ACAN: variants seen among roughly 807,000 people sequenced by gnomAD.
The protein encoded by ACAN is aggrecan, also known as aggrecan core protein.
Under a neutral mutation model 169.1 loss-of-function variants are expected in ACAN, and 47 were observed. The ratio of observed to expected loss-of-function variants is 0.28; its 90% confidence interval spans 0.22 to 0.35. The LOEUF (loss-of-function observed/expected upper bound fraction) is 0.35, where lower values mean the gene tolerates loss of function less well. Among genes scored for constraint, ACAN ranks in the 10% least tolerant of loss-of-function variants. The probability of loss-of-function intolerance (pLI) is 1.00; values close to 1 mark genes in which losing one functional copy is unlikely to be tolerated. For synonymous variants in ACAN, 1,115 were observed against 1,112.2 expected (o/e 1.00, Z -0.05); for missense variants, 2,716 against 2,759.9 (o/e 0.98, Z 0.36).
chr15:88,853,491 A>C (rs1481663084), intron 11 of ACAN, among the ~76,000 whole-genome samples: 1 of 152,266 alleles, frequency 6.6e-6, no homozygotes, highest in East Asian at 1.9e-4. Context: ...TACAAAAATT[A>C]GCCAGGTGTG....
At position 88,819,942 on chromosome 15, in the gene ACAN, C is replaced by T. The variant is rs529169365; in HGVS notation, c.-8+16133C>T. 7.7e-4 allele frequency among the ~76,000 whole-genome samples: 117 copies of T among 152,142 alleles called. 2 individuals carry two copies. The South Asian group carries it at 0.021, about 27-fold the overall frequency. On this transcript the variant is annotated intron_variant, in intron 1 of 18. Coordinates refer to ENST00000560601, the MANE Select transcript of ACAN (RefSeq NM_001369268.1). Reference sequence around the variant, plus strand: ...CCCAGCTTTTGGAGTCAGACCAATCCGGGTTTGAATTCTGGCTCTACCACT... The same window carrying T: ...CCCAGCTTTTGGAGTCAGACCAATCTGGGTTTGAATTCTGGCTCTACCACT...
intron 13 of ACAN, among the ~76,000 whole-genome samples, chr15:88,862,254 G>C (rs1282186911): frequency 6.6e-6 from 1 of 152,152 alleles, no homozygotes; most frequent in Non-Finnish European, 1.5e-5. Context: ...CGATGGTAAT[G>C]GTTCTCAGCT....
intron 1 of ACAN, among the ~76,000 whole-genome samples, chr15:88,810,052 A>G (rs1895780746): frequency 6.6e-6 from 1 of 151,252 alleles, no homozygotes; most frequent in Non-Finnish European, 1.5e-5. Flanking sequence ...AAAGGGATTC[A>G]TGGGTCACCA....
intron 9 of ACAN, 54 bp downstream of exon 9, chr15:88,848,092 G>C: frequency 6.3e-7 from 1 of 1,597,640 alleles, no homozygotes; most frequent in South Asian, 1.1e-5. Context: ...GGTGGGCAGG[G>C]AGCTGACAGG....
At chr15:88,816,809 C>T (rs983542484) in intron 1 of ACAN, among the ~76,000 whole-genome samples, 1 of 152,168 alleles carries the variant, frequency 6.6e-6, no homozygotes, top group African/African-American at 2.4e-5. Context: ...CGCACCATGC[C>T]CAAGAACTTC....
intron 1 of ACAN, among the ~76,000 whole-genome samples, chr15:88,813,710 G>A (rs1884929608): frequency 6.6e-6 from 1 of 152,192 alleles, no homozygotes; most frequent in Non-Finnish European, 1.5e-5. Context: ...CAGGGTCCTA[G>A]CACCTCTGTG....
At chr15:88,824,344 A>G (rs1437829611) in intron 1 of ACAN, among the ~76,000 whole-genome samples, 1 of 151,954 alleles carries the variant, frequency 6.6e-6, no homozygotes, top group African/African-American at 2.4e-5. Flanking sequence ...CAACAACAAC[A>G]AAAAGATTAA....
chr15:88,865,254 G>A (rs969383092), intron 13 of ACAN, among the ~76,000 whole-genome samples: 18 of 152,294 alleles, frequency 1.2e-4, no homozygotes, highest in African/African-American at 4.1e-4. Context: ...GCCCTGGGTA[G>A]CTGTAGCAGC....
rs534841034 is a variant in ACAN, at chr15:88,873,691, C to T, written c.7448-151C>T. On this transcript the variant is annotated intron_variant, in intron 17 of 18. Transcript: ENST00000560601. This position sits in a 1 kb window ranked among gnomAD's most constrained non-coding sequence, Gnocchi z 7.5. ...TGAGGAACCCAGATGTTACAGCCAGCGGCTTCCAGATTCTTAGCGCTGCAT... is the reference window on the plus strand; with the variant it reads ...TGAGGAACCCAGATGTTACAGCCAGTGGCTTCCAGATTCTTAGCGCTGCAT... 27 of 753,372 alleles carry T rather than the reference C, an allele frequency of 3.6e-5. No homozygotes were observed. Among genetic ancestry groups the T allele is most frequent in the South Asian group, 2.1e-4 (11 of 52,758 alleles). The allele number at this position is 753,372 out of a possible 1,614,324, so 46.7% of individuals were successfully genotyped here.
In ACAN at chr15:88,807,263, A is replaced by G. The variant is rs1346464771; in HGVS notation, c.-8+3454A>G. Among the ~76,000 whole-genome samples the G allele has an allele frequency of 6.6e-6, 1 of 152,146 alleles. No homozygotes were observed. Among genetic ancestry groups the G allele is most frequent in the Non-Finnish European group, 1.5e-5 (1 of 68,014 alleles). ...TGGAGGAAGGTCTGCTTATAAGTAGAGCAGGGGAGGGGACAGGCCAGCAGC... is the reference window on the plus strand; with the variant it reads ...TGGAGGAAGGTCTGCTTATAAGTAGGGCAGGGGAGGGGACAGGCCAGCAGC... On this transcript the variant is annotated intron_variant, in intron 1 of 18. Transcript: ENST00000560601. This position sits in a 1 kb window ranked among gnomAD's most constrained non-coding sequence, Gnocchi z 4.0.
In ACAN at chr15:88,857,204, C is replaced by T. The variant is rs1286523457; in HGVS notation, c.4619C>T (p.Ser1540Phe). ...GAAGAAGTTCTAGAGATTTCTGCCT[C>T]TGGATTTGGGGACCTCAGTGGACTT... The part of the protein sequence containing the change: ...SGEEVLEISA[S>F]GFGDLSGLPS... Residue 1540 changes from serine to phenylalanine, a missense_variant, in exon 12 of 19, where the codon TCT becomes TTT. By Grantham distance (155) the Ser-to-Phe change is radical. This residue lies in a region of ACAN where 1,389 missense variants were observed against 1,363.7 expected (regional missense o/e 1.02). Transcript: ENST00000560601. 6.2e-7 allele frequency: 1 copy of T among 1,613,826 alleles called. No homozygotes were observed. Among genetic ancestry groups the T allele is most frequent in the South Asian group, 1.1e-5 (1 of 91,076 alleles).
intron 1 of ACAN, among the ~76,000 whole-genome samples, chr15:88,824,178 G>A (rs1370482626): frequency 1.3e-5 from 2 of 152,108 alleles, no homozygotes; most frequent in East Asian, 3.9e-4. Flanking sequence ...CAAAAAATTA[G>A]CCAGGCGTGG....
At chr15:88,854,340 G>A (rs1462495455) in intron 11 of ACAN, among the ~76,000 whole-genome samples, 2 of 152,214 alleles carry the variant, frequency 1.3e-5, no homozygotes, top group East Asian at 3.9e-4. Flanking sequence ...CATCAGTGGG[G>A]CTGGGGTGAG....
In ACAN at chr15:88,871,401, G is replaced by A. The variant is rs534424968; in HGVS notation, c.7080G>A (p.Glu2360=). 6 of 1,613,900 alleles carry A rather than the reference G, an allele frequency of 3.7e-6. No homozygotes were observed. In the African/African-American group the frequency reaches 6.7e-5, roughly 18 times the overall value. Residue 2360 remains glutamate (E), a synonymous_variant, in exon 15 of 19, where the codon GAG becomes GAA. Coordinates refer to ENST00000560601, the MANE Select transcript of ACAN (RefSeq NM_001369268.1). The surrounding 1 kb of genome is among the most constrained non-coding windows in gnomAD (Gnocchi z 7.8). ...LCEIDQEVCE[E]GWNKYQGHCY... ...TTGCAGACCAGGAGGTATGTGAGGA[G>A]GGCTGGAACAAGTACCAGGGCCACT...
At chr15:88,860,072 C>CTTT (rs57985365) in intron 12 of ACAN, among the ~76,000 whole-genome samples, 17 of 102,892 alleles carry the variant, frequency 1.7e-4, no homozygotes, top group African/African-American at 4.7e-4. Context: ...GCTGATTTTC[C>CTTT]TTTTTTTTTT....
Position 88,866,886 on chromosome 15 carries a change from G to A in ACAN, c.6947-1330G>A, listed in dbSNP as rs1463015423. Among the ~76,000 whole-genome samples the A allele has an allele frequency of 2.0e-5, 3 of 152,188 alleles. No homozygotes were observed. The highest frequency in any genetic ancestry group is 7.2e-5 in the African/African-American group (3 of 41,436). ...CACCACAGGGCTTCGCTGTCCTGCA[G>A]AGCCCACCTACAGACATGTCACTGG... On this transcript the variant is annotated intron_variant, in intron 13 of 18. Transcript: ENST00000560601. This position sits in a 1 kb window ranked among gnomAD's most constrained non-coding sequence, Gnocchi z 5.6.
rs371109340 is a variant in ACAN, at chr15:88,837,853, G to T, written c.71-810G>T. Among the ~76,000 whole-genome samples, 330 of 145,378 alleles carry T rather than the reference G, an allele frequency of 2.3e-3. 7 individuals carry two copies. The South Asian group carries it at 0.047, about 21-fold the overall frequency. Reference sequence around the variant, plus strand: ...CCTGTAGGCCCCCATGAAAGAACAGGTTTCATAAATGTATGAGTCTCCATG... The same window carrying T: ...CCTGTAGGCCCCCATGAAAGAACAGTTTTCATAAATGTATGAGTCTCCATG... On this transcript the variant is annotated intron_variant, in intron 2 of 18. Transcript: ENST00000560601.
rs545054661 is a variant in ACAN, at chr15:88,850,059, C to G, written c.2026+328C>G. 1.9e-4 allele frequency: 112 copies of G among 590,782 alleles called. 1 individual carries two copies. The highest frequency in any genetic ancestry group is 1.9e-3 in the South Asian group (89 of 47,500). The allele number at this position is 590,782 out of a possible 1,614,324, so 36.6% of individuals were successfully genotyped here. A position where few individuals can be genotyped will look rare whatever the true frequency, so the allele number is the denominator to read the frequency against. ...AATGGAGATATAATGGTTCCTACTTCAGAGAGAGCTGCAAGAATTAATTAA... is the reference window on the plus strand; with the variant it reads ...AATGGAGATATAATGGTTCCTACTTGAGAGAGAGCTGCAAGAATTAATTAA... On this transcript the variant is annotated intron_variant, in intron 10 of 18. Coordinates refer to ENST00000560601, the MANE Select transcript of ACAN (RefSeq NM_001369268.1).
intron 1 of ACAN, among the ~76,000 whole-genome samples, chr15:88,815,178 T>C (rs562410496): frequency 6.6e-6 from 1 of 152,040 alleles, no homozygotes; most frequent in South Asian, 2.1e-4. Context: ...GCCCACGTTG[T>C]GTATCAGTGG....
Sources: gnomAD v4.1 joint callset for allele counts (sites outside exome capture counted in the v4.1 genomes callset) on GRCh38, gnomAD v4.1.1 for gene constraint, gnomAD v4.1.1 regional missense constraint, Gnocchi (gnomAD v3.1) non-coding constraint, MANE v1.5 for transcripts, NCBI Gene and HGNC (gene_info 2026-07-23, HGNC 2026-07-21) for gene names.